The following PLXNA2 variants were observed in gnomAD, a reference collection of about 807,000 sequenced individuals.
PLXNA2 encodes plexin-A2.
Under a neutral mutation model 193.5 loss-of-function variants are expected in PLXNA2, and 91 were observed. That is an observed-to-expected ratio of 0.47 (90% CI 0.40 to 0.56). The LOEUF (loss-of-function observed/expected upper bound fraction) is 0.56, where lower values mean the gene tolerates loss of function less well. PLXNA2 is among the 20% of genes least tolerant of loss of function. The probability of loss-of-function intolerance (pLI) is 0.00; values close to 1 mark genes in which losing one functional copy is unlikely to be tolerated. For synonymous variants in PLXNA2, 997 were observed against 1,027.3 expected (o/e 0.97, Z 0.56); for missense variants, 1,995 against 2,503.2 (o/e 0.80, Z 4.33).
intron 3 of PLXNA2, among the ~76,000 whole-genome samples, chr1:208,175,774 G>T (rs1412463426): frequency 6.6e-6 from 1 of 152,214 alleles, no homozygotes; most frequent in Admixed American, 6.5e-5. Flanking sequence ...GTTGGCAGAG[G>T]TCAGGCTGGA....
intron 4 of PLXNA2, among the ~76,000 whole-genome samples, chr1:208,127,146 T>G (rs681241): frequency 0.12 from 18,868 of 152,138 alleles, 1,428 homozygotes; most frequent in East Asian, 0.33. Flanking sequence ...AATTCCAACA[T>G]GGGCAATGAA....
intron 13 of PLXNA2, among the ~76,000 whole-genome samples, chr1:208,055,016 TAGTG>T (rs2102340578): frequency 6.6e-6 from 1 of 152,254 alleles, no homozygotes; most frequent in East Asian, 1.9e-4. Context: ...TTGCTTCCTG[TAGTG>T]AGTTTTAAAA....
intron 3 of PLXNA2, among the ~76,000 whole-genome samples, chr1:208,149,518 G>C (rs1013191974): frequency 6.6e-6 from 1 of 151,648 alleles, no homozygotes; most frequent in Non-Finnish European, 1.5e-5. Flanking sequence ...TATAGGCACT[G>C]TATGTGGTGT....
rs983539218 is a variant in PLXNA2 at position 208,236,647 on chromosome 1, C to T, written c.-81+6996G>A. Among the ~76,000 whole-genome samples, 4 of 152,220 alleles carry T rather than the reference C, an allele frequency of 2.6e-5. No homozygotes were observed. Among genetic ancestry groups the T allele is most frequent in the African/African-American group, 9.6e-5 (4 of 41,458 alleles). The stretch of plus-strand genomic sequence containing the variant: ...GAGCTGTCCCTGGCGTGTTCTCGTT[C>T]ACTCAGTGAGTTGTCTACCACTCTC... On this transcript the variant is annotated intron_variant, in intron 1 of 31. Transcript: ENST00000367033. The surrounding 1 kb of genome is among the most constrained non-coding windows in gnomAD (Gnocchi z 4.4).
At chr1:208,067,512 C>T (rs1665837494) in intron 12 of PLXNA2, among the ~76,000 whole-genome samples, 1 of 152,112 alleles carries the variant, frequency 6.6e-6, no homozygotes, top group Non-Finnish European at 1.5e-5. Flanking sequence ...CTGAACTCAC[C>T]CAGAGCAACT....
chr1:208,228,632 C>G (rs1671589669), intron 1 of PLXNA2, among the ~76,000 whole-genome samples: 1 of 152,182 alleles, frequency 6.6e-6, no homozygotes, highest in Admixed American at 6.5e-5. Flanking sequence ...GGCTGTTGCC[C>G]AGATAGACTC....
intron 12 of PLXNA2, among the ~76,000 whole-genome samples, chr1:208,075,805 T>A (rs1053043160): frequency 6.6e-5 from 10 of 152,110 alleles, no homozygotes; most frequent in African/African-American, 2.4e-4. Flanking sequence ...AAGCCTGTAA[T>A]CCCAGCACTT....
At chr1:208,123,996 G>T (rs1667885451) in intron 4 of PLXNA2, among the ~76,000 whole-genome samples, 1 of 152,174 alleles carries the variant, frequency 6.6e-6, no homozygotes, top group Non-Finnish European at 1.5e-5. Context: ...TGTTGTGTGT[G>T]CAGCTTCACT....
At chr1:208,128,426 G>A (rs12409547) in intron 4 of PLXNA2, among the ~76,000 whole-genome samples, 1,876 of 152,230 alleles carry the variant, frequency 0.012, 57 homozygotes, top group East Asian at 0.094. Flanking sequence ...CCCAGGCATT[G>A]TATAGGGATT....
chr1:208,183,956 T>A (rs1188038013), intron 3 of PLXNA2, among the ~76,000 whole-genome samples: 4 of 152,262 alleles, frequency 2.6e-5, no homozygotes, highest in African/African-American at 9.6e-5. Flanking sequence ...TTAAGTAAAA[T>A]AAGAAATTCA....
chr1:208,116,202 C>G (rs990706587), intron 4 of PLXNA2, among the ~76,000 whole-genome samples: 2 of 152,160 alleles, frequency 1.3e-5, no homozygotes, highest in African/African-American at 4.8e-5. Context: ...CCTTGATCAA[C>G]CTTTGTTACT....
In PLXNA2 at chr1:208,052,361, C is replaced by A; in HGVS notation, c.2959G>T (p.Val987Phe). ...TCGCAGGTCTGGTTGCCCAGGTAGACTGCCACGCTGCTCCCAGCCCCAAGG... is the reference window on the plus strand; with the variant it reads ...TCGCAGGTCTGGTTGCCCAGGTAGAATGCCACGCTGCTCCCAGCCCCAAGG... The part of the protein sequence containing the change: ...HYLGAGSSVA[V>F]YLGNQTCEFY... The change falls in exon 15 of 32, where the codon GTC (valine) becomes TTC (phenylalanine). Residue 987 changes from valine (V) to phenylalanine (F), a missense_variant. This residue lies in a region of PLXNA2 where 1,291 missense variants were observed against 1,673.6 expected (regional missense o/e 0.77). Transcript: ENST00000367033. 6.2e-7 allele frequency: 1 copy of A among 1,613,664 alleles called. No individual in the cohort carries two copies. Among genetic ancestry groups the A allele is most frequent in the Non-Finnish European group, 8.5e-7 (1 of 1,180,036 alleles).
At chr1:208,113,981 T>A (rs1667566786) in intron 4 of PLXNA2, among the ~76,000 whole-genome samples, 1 of 152,270 alleles carries the variant, frequency 6.6e-6, no homozygotes, top group South Asian at 2.1e-4. Context: ...GGTAAGAGCA[T>A]CTTTGCTGTT....
At chr1:208,124,640 T>C (rs1667910799) in intron 4 of PLXNA2, among the ~76,000 whole-genome samples, 4 of 138,330 alleles carry the variant, frequency 2.9e-5, no homozygotes, top group Admixed American at 2.4e-4. Flanking sequence ...GATCATGTGA[T>C]TGCACTCCAG....
chr1:208,159,021 G>A (rs553975561), intron 3 of PLXNA2, among the ~76,000 whole-genome samples: 7 of 152,196 alleles, frequency 4.6e-5, no homozygotes, highest in Admixed American at 1.3e-4. Context: ...AGGGAGAGCC[G>A]CATAGGCATC....
chr1:208,059,395 C>T (rs1459194627), intron 13 of PLXNA2, among the ~76,000 whole-genome samples: 1 of 152,236 alleles, frequency 6.6e-6, no homozygotes, highest in African/African-American at 2.4e-5. Flanking sequence ...AGAGATCAGG[C>T]CAGCTCTTTC....
At chr1:208,200,887 T>C (rs4844656) in intron 3 of PLXNA2, among the ~76,000 whole-genome samples, 70,561 of 152,018 alleles carry the variant, frequency 0.46, 16,571 homozygotes, top group East Asian at 0.7. Flanking sequence ...ATTACAGGCG[T>C]GAACAACCGC....
At chr1:208,145,865 T>C (rs1571965993) in intron 3 of PLXNA2, among the ~76,000 whole-genome samples, 1 of 151,816 alleles carries the variant, frequency 6.6e-6, no homozygotes, top group East Asian at 1.9e-4. Context: ...GAACAGAAAA[T>C]GTTGTTGGTA....
intron 1 of PLXNA2, among the ~76,000 whole-genome samples, chr1:208,231,726 A>C (rs906332512): frequency 2.6e-5 from 4 of 152,218 alleles, no homozygotes; most frequent in Admixed American, 2.0e-4. Flanking sequence ...CATACGCATC[A>C]CCAGTTTACA....
Sources: gnomAD v4.1 joint callset for allele counts (sites outside exome capture counted in the v4.1 genomes callset) on GRCh38, gnomAD v4.1.1 for gene constraint, gnomAD v4.1.1 regional missense constraint, Gnocchi (gnomAD v3.1) non-coding constraint, MANE v1.5 for transcripts, NCBI Gene and HGNC (gene_info 2026-07-23, HGNC 2026-07-21) for gene names.